PI4KA: variants seen among roughly 807,000 people sequenced by gnomAD.
PI4KA encodes phosphatidylinositol 4-kinase alpha, also known as PI4-kinase alpha.
A neutral mutation model predicts 271.4 loss-of-function variants in PI4KA; 122 were observed. The ratio of observed to expected loss-of-function variants is 0.45; its 90% CI spans 0.39 to 0.52. The LOEUF (loss-of-function observed/expected upper bound fraction) is 0.52. PI4KA is among the 20% of genes least tolerant of loss of function. The pLI is 0.00. For missense variants in PI4KA, 1,969 were observed against 2,769.1 expected (o/e 0.71, Z 6.48); for synonymous variants, 1,041 against 1,078.8 (o/e 0.96, Z 0.69).
intron 1 of PI4KA, among the ~76,000 whole-genome samples, chr22:20,841,154 A>G (rs1925505884): frequency 6.6e-6 from 1 of 152,174 alleles, no homozygotes; most frequent in Non-Finnish European, 1.5e-5. Flanking sequence ...CGCTGAGATT[A>G]CAGGCATGAG....
At chr22:20,766,694 G>A (rs1388873571) in intron 19 of PI4KA, among the ~76,000 whole-genome samples, 1 of 152,118 alleles carries the variant, frequency 6.6e-6, no homozygotes, top group Non-Finnish European at 1.5e-5. Flanking sequence ...ACTTGTGCAC[G>A]ATGCCCAGCT....
chr22:20,810,850 A>G (rs558611900), intron 9 of PI4KA, 117 bp downstream of exon 9: 33 of 795,970 alleles, frequency 4.1e-5, no homozygotes, highest in South Asian at 4.1e-4. Context: ...ATGAACAAGG[A>G]AAGTGAAAAC....
intron 36 of PI4KA, among the ~76,000 whole-genome samples, chr22:20,731,687 T>C (rs1176164801): frequency 6.6e-6 from 1 of 152,176 alleles, no homozygotes; most frequent in Non-Finnish European, 1.5e-5. Context: ...CCTAGCACTT[T>C]GGGAGGCCGA....
At chr22:20,786,167 A>G (rs1245445242) in intron 19 of PI4KA, 1 of 1,612,768 alleles carries the variant, frequency 6.2e-7, no homozygotes, top group Non-Finnish European at 8.5e-7. Flanking sequence ...TCCCTTGTCC[A>G]CCCCCGACCC....
At chr22:20,735,046 G>A (rs565130085) in intron 32 of PI4KA, among the ~76,000 whole-genome samples, 7 of 152,138 alleles carry the variant, frequency 4.6e-5, no homozygotes, top group South Asian at 2.1e-4. Context: ...CCATGGAGCC[G>A]AGGCGAGCCT....
chr22:20,833,562 G>A (rs1044393081), intron 3 of PI4KA, among the ~76,000 whole-genome samples: 16 of 152,144 alleles, frequency 1.1e-4, no homozygotes, highest in African/African-American at 3.4e-4. Flanking sequence ...TGCCTGTGGC[G>A]GTGGTGTTGC....
Position 20,707,930 on chromosome 22 carries a change from T to C in PI4KA, c.*117A>G, listed in dbSNP as rs1058496. ...CCCCAGGAGGCGCTACCAGGTTCTT[T>C]GGGCCACAGGCCTCTCCTCCACTGC... is the stretch of plus-strand genomic sequence containing the variant. On this transcript the variant is annotated 3_prime_UTR_variant, in exon 55 of 55. Coordinates refer to ENST00000255882, the MANE Select transcript of PI4KA (RefSeq NM_058004.4). 9.4e-5 allele frequency: 89 copies of C among 942,606 alleles called. No individual in the cohort carries two copies. The highest frequency in any genetic ancestry group is 4.8e-4 in the African/African-American group (30 of 62,068). 58.4% of individuals were successfully genotyped at this position (942,606 alleles called of 1,614,324 possible). A position where few individuals can be genotyped will look rare whatever the true frequency, so the allele number is the denominator to read the frequency against.
At chr22:20,785,485 C>T (rs1934146797) in intron 19 of PI4KA, among the ~76,000 whole-genome samples, 4 of 152,326 alleles carry the variant, frequency 2.6e-5, no homozygotes, top group Admixed American at 2.0e-4. Flanking sequence ...ATCTCTTTAT[C>T]CCCTGCAAAG....
At chr22:20,811,607 C>CAAAAAAAAAA (rs1185062165) in intron 8 of PI4KA, among the ~76,000 whole-genome samples, 1 of 112,430 alleles carries the variant, frequency 8.9e-6, no homozygotes. Flanking sequence ...TGCAGAACCA[C>CAAAAAAAAAA]AAAAAAAAAA....
rs151245906 is a variant in PI4KA, at chr22:20,714,593, G to T, written c.5390+35C>A. On this transcript the variant is annotated intron_variant, in intron 46 of 54. Coordinates refer to ENST00000255882, the MANE Select transcript of PI4KA (RefSeq NM_058004.4). ...CGAGAAAAACTTCGCACGCGGACGC[G>T]TGGAAGTGGGGGATGGGTAGGGTGA... 3.5e-3 allele frequency: 5,695 copies of T among 1,613,986 alleles called. 20 individuals carry two copies. Among genetic ancestry groups the T allele is most frequent in the Middle Eastern group, 0.014 (86 of 6,056 alleles).
chr22:20,838,571 C>A, intron 2 of PI4KA, 44 bp downstream of exon 2: 1 of 1,075,916 alleles, frequency 9.3e-7, no homozygotes, highest in Non-Finnish European at 1.4e-6. Context: ...GCTCACTACA[C>A]CCCCTTTTAC....
At chr22:20,770,054 A>G (rs922516623) in intron 19 of PI4KA, among the ~76,000 whole-genome samples, 1 of 152,118 alleles carries the variant, frequency 6.6e-6, no homozygotes, top group African/African-American at 2.4e-5. Context: ...GTATGTATAC[A>G]TATTTTTTTT....
intron 19 of PI4KA, among the ~76,000 whole-genome samples, chr22:20,768,652 G>A (rs747526766): frequency 6.6e-6 from 1 of 152,128 alleles, no homozygotes; most frequent in African/African-American, 2.4e-5. Context: ...CCAGGGCTTG[G>A]CAACCTGTGT....
chr22:20,729,134 G>A (rs993888218), intron 39 of PI4KA, among the ~76,000 whole-genome samples, 179 bp downstream of exon 39: 3 of 152,196 alleles, frequency 2.0e-5, no homozygotes, highest in Admixed American at 2.0e-4. Flanking sequence ...GAGGGTTGCT[G>A]GGTTATCTCT....
Position 20,807,386 on chromosome 22 carries a change from G to A in PI4KA, c.1144C>T (p.Arg382Cys), listed in dbSNP as rs1456758190. 3 of 1,610,574 alleles carry A rather than the reference G, an allele frequency of 1.9e-6. No individual in the cohort carries two copies. Among genetic ancestry groups the A allele is most frequent in the Non-Finnish European group, 2.5e-6 (3 of 1,176,902 alleles). ...PLYLTMFKML[R>C]DTLYYMKDLP... is the part of the protein sequence containing the mutation. ...CCCTTCATGTAGTACAGAGTGTCAC[G>A]CAGCATCTTGAACATGGTCAGGTAG... The change falls in exon 10 of 55, where the codon CGT becomes TGT. Residue 382 changes from arginine to cysteine, a missense_variant. Physicochemically the swap from Arg to Cys is radical, Grantham distance 180. Coordinates refer to ENST00000255882, the MANE Select transcript of PI4KA (RefSeq NM_058004.4).
In PI4KA at chr22:20,749,889, T is replaced by G; in HGVS notation, c.3243+16A>C. ...GAAGGAGCTTATGGCAATTGCCTTT[T>G]GATGGTTTCAAGTACCTGCAGGTGG... On this transcript the variant is annotated intron_variant, in intron 28 of 54. Transcript: ENST00000255882. 1 of 1,545,126 alleles carries G rather than the reference T, an allele frequency of 6.5e-7. No individual in the cohort carries two copies. The highest frequency in any genetic ancestry group is 1.7e-4 in the Middle Eastern group (1 of 5,934).
chr22:20,796,373 C>T (rs1237811460), intron 17 of PI4KA, 59 bp from the exon 18 acceptor site: 96 of 1,542,192 alleles, frequency 6.2e-5, no homozygotes, highest in Non-Finnish European at 8.0e-5. Flanking sequence ...CCCCAAGGGA[C>T]GGCACTGCAG....
chr22:20,831,698 G>A (rs117480680), intron 3 of PI4KA, among the ~76,000 whole-genome samples: 4 of 152,162 alleles, frequency 2.6e-5, no homozygotes, highest in African/African-American at 4.8e-5. Context: ...TGTTAGCCTG[G>A]TGGGACTCCC....
intron 17 of PI4KA, 34 bp downstream of exon 17, chr22:20,798,550 T>C (rs759759232): frequency 8.2e-7 from 1 of 1,221,908 alleles, no homozygotes; most frequent in African/African-American, 1.5e-5. Flanking sequence ...TTAAATACTG[T>C]CATGATAAAA....
Sources: allele counts gnomAD v4.1 joint callset (sites outside exome capture counted in the v4.1 genomes callset), GRCh38; gene constraint gnomAD v4.1.1; transcripts MANE v1.5; gene names NCBI Gene and HGNC (gene_info 2026-07-23, HGNC 2026-07-21).